PTK2: variants seen among roughly 807,000 people sequenced by gnomAD.
The protein encoded by PTK2 is focal adhesion kinase 1.
A neutral mutation model predicts 150.1 loss-of-function variants in PTK2; 45 were observed. The ratio of observed to expected loss-of-function variants is 0.30; its 90% CI spans 0.24 to 0.38. The LOEUF is 0.38. PTK2 is among the 10% of genes least tolerant of loss of function. The probability of loss-of-function intolerance (pLI) is 1.00; values close to 1 mark genes in which losing one functional copy is unlikely to be tolerated. For synonymous variants in PTK2, 432 were observed against 449.2 expected (o/e 0.96, Z 0.48); for missense variants, 919 against 1,307.3 (o/e 0.70, Z 4.58).
chr8:140,885,478 G>A (rs1334543052), intron 3 of PTK2, among the ~76,000 whole-genome samples: 1 of 152,088 alleles, frequency 6.6e-6, no homozygotes, highest in Non-Finnish European at 1.5e-5. Context: ...GCTAATAAAT[G>A]AGCAAACAAA....
chr8:140,911,606 G>A (rs1353299114), intron 2 of PTK2, among the ~76,000 whole-genome samples: 1 of 152,046 alleles, frequency 6.6e-6, no homozygotes, highest in Non-Finnish European at 1.5e-5. Context: ...ATACATATGT[G>A]TGTACATTTA....
chr8:140,901,786 A>G (rs531954269), intron 2 of PTK2, among the ~76,000 whole-genome samples: 1 of 151,730 alleles, frequency 6.6e-6, no homozygotes, highest in Admixed American at 6.6e-5. Context: ...AATATTTCTC[A>G]TAACGCTATC....
At chr8:140,942,767 G>A (rs886866537) in intron 1 of PTK2, among the ~76,000 whole-genome samples, 2 of 152,208 alleles carry the variant, frequency 1.3e-5, no homozygotes, top group Non-Finnish European at 2.9e-5. Context: ...TCAGGTGGAT[G>A]GTGATAAGGA....
At position 140,661,866 on chromosome 8, in the gene PTK2, G is replaced by A. The variant is rs538977619; in HGVS notation, c.2947-2188C>T. The stretch of plus-strand genomic sequence containing the variant: ...GAGCACTGGAATGCTCTGAGCTGGC[G>A]CTGAGTGCAGCTGCCATGTGAGGAG... On this transcript the variant is annotated intron_variant, in intron 31 of 31. Coordinates refer to ENST00000522684, the Ensembl canonical transcript of PTK2. Among the ~76,000 whole-genome samples, 167 of 152,354 alleles carry A rather than the reference G, an allele frequency of 1.1e-3. 1 individual carries two copies. The highest frequency in any genetic ancestry group is 2.1e-3 in the Non-Finnish European group (143 of 68,036).
chr8:140,827,589 G>T (rs1301554884), intron 8 of PTK2, among the ~76,000 whole-genome samples: 1 of 152,140 alleles, frequency 6.6e-6, no homozygotes, highest in Non-Finnish European at 1.5e-5. Flanking sequence ...ACCAAGGAAA[G>T]AAACTTTCTA....
chr8:140,839,357 C>T (rs577227623), intron 7 of PTK2, among the ~76,000 whole-genome samples: 21 of 152,294 alleles, frequency 1.4e-4, no homozygotes, highest in Middle Eastern at 3.4e-3. Context: ...GGGCCACCAG[C>T]CTCTAATCCA....
intron 10 of PTK2, among the ~76,000 whole-genome samples, chr8:140,811,075 C>G (rs564027693): frequency 6.6e-6 from 1 of 152,360 alleles, no homozygotes; most frequent in Admixed American, 6.5e-5. Context: ...TGTGCTGCCA[C>G]TGCTGCTGGC....
At chr8:140,736,649 T>C (rs903710946) in intron 21 of PTK2, among the ~76,000 whole-genome samples, 4 of 152,194 alleles carry the variant, frequency 2.6e-5, no homozygotes, top group Non-Finnish European at 5.9e-5. Flanking sequence ...ATGGATGTTT[T>C]CTCCTAGTGC....
chr8:140,884,805 C>T (rs1411793554), intron 3 of PTK2, among the ~76,000 whole-genome samples: 1 of 152,160 alleles, frequency 6.6e-6, no homozygotes, highest in Non-Finnish European at 1.5e-5. Flanking sequence ...ACCAGTCTTC[C>T]CACTACCAGC....
In PTK2 at chr8:140,848,231, A is replaced by G. The variant is rs73714768; in HGVS notation, c.451-1553T>C. 2.4e-3 allele frequency among the ~76,000 whole-genome samples: 371 copies of G among 152,344 alleles called. 2 individuals carry two copies. The highest frequency in any genetic ancestry group is 8.7e-3 in the African/African-American group (361 of 41,574). On this transcript the variant is annotated intron_variant, in intron 5 of 31. Coordinates refer to ENST00000522684, the Ensembl canonical transcript of PTK2. ...CAGAGAAGATAAAACACATCAGATG[A>G]GCATACTCTCTTTAACCTACCAGGA...
At chr8:140,741,510 A>G (rs1793114416) in intron 20 of PTK2, among the ~76,000 whole-genome samples, 1 of 151,952 alleles carries the variant, frequency 6.6e-6, no homozygotes, top group Non-Finnish European at 1.5e-5. Flanking sequence ...AAAATAAAAT[A>G]GTGACAGGCA....
intron 4 of PTK2, among the ~76,000 whole-genome samples, chr8:140,877,362 A>G (rs1035145876): frequency 6.6e-6 from 1 of 152,122 alleles, no homozygotes; most frequent in Admixed American, 6.6e-5. Flanking sequence ...AAGCCTAGCT[A>G]CATTTTCAGA....
rs568067045 is a variant in PTK2, at chr8:140,816,848, G to A, written c.867+1429C>T. ...AATAGTACTCTCACACACTGCCAGT[G>A]ACAATATGAAGTTTCCTAGCTTTTC... On this transcript the variant is annotated intron_variant, in intron 10 of 31. Transcript: ENST00000522684. Among the ~76,000 whole-genome samples the A allele has an allele frequency of 7.9e-5, 12 of 152,292 alleles. No homozygotes were observed. In the South Asian group the frequency reaches 2.3e-3, roughly 29 times the overall value.
At chr8:140,712,559 G>GA (rs1564886663) in intron 23 of PTK2, among the ~76,000 whole-genome samples, 1 of 152,004 alleles carries the variant, frequency 6.6e-6, no homozygotes, top group African/African-American at 2.4e-5. Context: ...ATTAAGGGGG[G>GA]AAAAAAGGAG....
chr8:140,924,590 C>T (rs1172192782), intron 2 of PTK2, among the ~76,000 whole-genome samples: 1 of 152,086 alleles, frequency 6.6e-6, no homozygotes, highest in Admixed American at 6.5e-5. Flanking sequence ...TATGTATATG[C>T]TGGACGTCAG....
At chr8:140,935,722 C>G (rs2100173397) in intron 1 of PTK2, among the ~76,000 whole-genome samples, 1 of 42,952 alleles carries the variant, frequency 2.3e-5, no homozygotes, top group South Asian at 1.0e-3. Flanking sequence ...TTTTTTGAGA[C>G]AGAGTCTCGC....
At chr8:140,694,037 CTTTTCTTTTT>C (rs932864870) in intron 26 of PTK2, among the ~76,000 whole-genome samples, 2 of 147,166 alleles carry the variant, frequency 1.4e-5, no homozygotes, top group African/African-American at 5.0e-5. Context: ...TTTTTCTTTT[CTTTTCTTTTT>C]TTTTTTTTTT....
chr8:140,775,055 G>C (rs910376994), intron 14 of PTK2, among the ~76,000 whole-genome samples: 1 of 152,158 alleles, frequency 6.6e-6, no homozygotes, highest in African/African-American at 2.4e-5. Flanking sequence ...TTATTCCTTT[G>C]CTTTCATTTT....
intron 26 of PTK2, among the ~76,000 whole-genome samples, chr8:140,693,675 T>C (rs929211386): frequency 6.8e-6 from 1 of 146,176 alleles, no homozygotes; most frequent in African/African-American, 2.5e-5. Context: ...CGGGCTGCTA[T>C]CATAAAACAC....
Sources: gnomAD v4.1 joint callset for allele counts (sites outside exome capture counted in the v4.1 genomes callset) on GRCh38, gnomAD v4.1.1 for gene constraint, MANE v1.5 for transcripts, NCBI Gene and HGNC (gene_info 2026-07-23, HGNC 2026-07-21) for gene names.